The following CACNA2D3 variants were observed in gnomAD, a reference collection of about 807,000 sequenced individuals.
The protein encoded by CACNA2D3 is calcium voltage-gated channel auxiliary subunit alpha2delta 3.
A neutral mutation model predicts 160.6 loss-of-function variants in CACNA2D3; 60 were observed. The ratio of observed to expected loss-of-function variants is 0.37; its 90% CI spans 0.30 to 0.46. The LOEUF is 0.46. Ranked by LOEUF, CACNA2D3 falls within the 20% of genes least tolerant of loss-of-function variation. The probability of loss-of-function intolerance (pLI) is 1.00; values close to 1 mark genes in which losing one functional copy is unlikely to be tolerated. For synonymous variants in CACNA2D3, 558 were observed against 492.9 expected (o/e 1.13, Z -1.75); for missense variants, 1,205 against 1,365.0 (o/e 0.88, Z 1.85).
intron 4 of CACNA2D3, among the ~76,000 whole-genome samples, chr3:54,391,530 A>G (rs1159873499): frequency 7.4e-6 from 1 of 135,898 alleles, no homozygotes; most frequent in African/African-American, 2.7e-5. Flanking sequence ...TTTTTTTTTG[A>G]GACAGAGTCT....
intron 11 of CACNA2D3, among the ~76,000 whole-genome samples, chr3:54,751,419 C>G (rs1701854725): frequency 6.6e-6 from 1 of 152,128 alleles, no homozygotes; most frequent in Non-Finnish European, 1.5e-5. Context: ...ATAATTAAAA[C>G]AGAATATTCA....
At chr3:54,822,806 T>TC (rs1553874304) in intron 14 of CACNA2D3, among the ~76,000 whole-genome samples, 58 of 113,042 alleles carry the variant, frequency 5.1e-4, no homozygotes, top group Non-Finnish European at 6.2e-4. Flanking sequence ...TTTCTTTCTT[T>TC]CTTTCTTTCT....
At chr3:54,976,152 C>T (rs1702387586) in intron 29 of CACNA2D3, among the ~76,000 whole-genome samples, 1 of 151,396 alleles carries the variant, frequency 6.6e-6, no homozygotes, top group Non-Finnish European at 1.5e-5. Flanking sequence ...AGGCAAAATC[C>T]CTAGACCCTA....
chr3:54,516,902 G>C (rs898731462), intron 5 of CACNA2D3, among the ~76,000 whole-genome samples: 3 of 152,220 alleles, frequency 2.0e-5, no homozygotes, highest in Admixed American at 1.3e-4. Flanking sequence ...ATGAAGGGCT[G>C]TCTGTTGGGT....
intron 3 of CACNA2D3, among the ~76,000 whole-genome samples, chr3:54,321,529 C>T (rs1395368761): frequency 6.6e-6 from 1 of 152,150 alleles, no homozygotes; most frequent in East Asian, 1.9e-4. Flanking sequence ...GCACCTACTA[C>T]AGGCAAACTG....
chr3:55,074,005 G>T, intron 37 of CACNA2D3, 109 bp from the exon 38 acceptor site: 1 of 1,113,140 alleles, frequency 9.0e-7, no homozygotes, highest in Non-Finnish European at 1.4e-6. Flanking sequence ...CATCATCTAG[G>T]TCCCAGAAGA....
At chr3:54,158,950 T>C (rs1031068850) in intron 2 of CACNA2D3, among the ~76,000 whole-genome samples, 1 of 152,232 alleles carries the variant, frequency 6.6e-6, no homozygotes, top group Non-Finnish European at 1.5e-5. Flanking sequence ...CAGTGGATTA[T>C]GAGTGGGGGT....
At chr3:54,806,718 G>A (rs1703137560) in intron 13 of CACNA2D3, among the ~76,000 whole-genome samples, 3 of 151,976 alleles carry the variant, frequency 2.0e-5, no homozygotes, top group African/African-American at 7.3e-5. Context: ...AAGTTCATAT[G>A]GAACCAAAAA....
chr3:54,476,673 T>G (rs1159152925), intron 4 of CACNA2D3, among the ~76,000 whole-genome samples: 1 of 152,230 alleles, frequency 6.6e-6, no homozygotes, highest in East Asian at 1.9e-4. Context: ...TTGATCACCT[T>G]TCCATATACC....
chr3:54,126,927 GGGGA>G (rs1699605335), intron 2 of CACNA2D3, among the ~76,000 whole-genome samples: 1 of 152,142 alleles, frequency 6.6e-6, no homozygotes. Flanking sequence ...TGGTTCTTTT[GGGGA>G]GGCATAGTTT....
chr3:54,401,380 A>G (rs1699460811), intron 4 of CACNA2D3, among the ~76,000 whole-genome samples: 1 of 152,210 alleles, frequency 6.6e-6, no homozygotes, highest in Admixed American at 6.5e-5. Flanking sequence ...AGATTTGGAC[A>G]TCCAGATCTG....
At chr3:54,347,522 T>A (rs1698480829) in intron 3 of CACNA2D3, among the ~76,000 whole-genome samples, 1 of 152,232 alleles carries the variant, frequency 6.6e-6, no homozygotes, top group South Asian at 2.1e-4. Context: ...TCAGATTTGA[T>A]GGATGCCTTG....
chr3:54,584,218 A>C (rs1219978417), intron 9 of CACNA2D3, among the ~76,000 whole-genome samples: 1 of 152,242 alleles, frequency 6.6e-6, no homozygotes. Flanking sequence ...GAGAAAAAAC[A>C]ATCAACAGAA....
chr3:54,470,615 C>G (rs1386217428), intron 4 of CACNA2D3, among the ~76,000 whole-genome samples: 1 of 152,070 alleles, frequency 6.6e-6, no homozygotes, highest in Non-Finnish European at 1.5e-5. Flanking sequence ...GGGCTAAATG[C>G]CCCAATTAAA....
intron 2 of CACNA2D3, among the ~76,000 whole-genome samples, chr3:54,255,596 A>T (rs904398365): frequency 5.9e-5 from 9 of 152,252 alleles, no homozygotes; most frequent in Admixed American, 4.6e-4. Context: ...TGTTCTCATC[A>T]GCTCAGTCCT....
intron 27 of CACNA2D3, among the ~76,000 whole-genome samples, chr3:54,911,436 C>T (rs1479493768): frequency 2.8e-5 from 4 of 144,136 alleles, no homozygotes; most frequent in Admixed American, 1.5e-4. Context: ...TCGAGTGATC[C>T]TCCTGCCTCA....
intron 10 of CACNA2D3, among the ~76,000 whole-genome samples, chr3:54,630,836 G>C (rs545303023): frequency 1.3e-5 from 2 of 152,218 alleles, no homozygotes; most frequent in South Asian, 4.1e-4. Flanking sequence ...CTGGAGTCTG[G>C]TCAGTCAGAT....
chr3:54,130,850 G>T (rs1203545983), intron 2 of CACNA2D3, among the ~76,000 whole-genome samples: 2 of 152,222 alleles, frequency 1.3e-5, no homozygotes, highest in African/African-American at 4.8e-5. Context: ...TGGGTTAACA[G>T]CTGAGAGGGC....
chr3:54,215,786 G>A (rs1394294421), intron 2 of CACNA2D3, among the ~76,000 whole-genome samples: 6 of 152,194 alleles, frequency 3.9e-5, no homozygotes, highest in Admixed American at 6.5e-5. Flanking sequence ...GTTGCCGGAA[G>A]AGAAGTAAGG....
Sources: allele counts gnomAD v4.1 joint callset (sites outside exome capture counted in the v4.1 genomes callset), GRCh38; gene constraint gnomAD v4.1.1; transcripts MANE v1.5; gene names NCBI Gene and HGNC (gene_info 2026-07-23, HGNC 2026-07-21).